CADM2: variants seen among roughly 807,000 people sequenced by gnomAD.
CADM2 encodes the protein cell adhesion molecule 2, also known as immunoglobulin superfamily member 4D.
Under a neutral mutation model 49.8 loss-of-function variants are expected in CADM2, and 12 were observed. The ratio of observed to expected loss-of-function variants is 0.24; its 90% CI spans 0.15 to 0.39. The LOEUF is 0.39. Among genes scored for constraint, CADM2 ranks in the 10% least tolerant of loss-of-function variants. The probability of loss-of-function intolerance (pLI) is 1.00; values close to 1 mark genes in which losing one functional copy is unlikely to be tolerated. For synonymous variants in CADM2, 214 were observed against 175.4 expected (o/e 1.22, Z -1.74); for missense variants, 378 against 492.3 (o/e 0.77, Z 2.20).
chr3:85,606,699 A>G (rs1014974396), intron 1 of CADM2, among the ~76,000 whole-genome samples: 3 of 152,110 alleles, frequency 2.0e-5, no homozygotes, highest in African/African-American at 4.8e-5. Context: ...ACCTTAATGT[A>G]TGAGTAGGAT....
chr3:85,739,434 C>G (rs905261745), intron 2 of CADM2, among the ~76,000 whole-genome samples: 4 of 152,062 alleles, frequency 2.6e-5, no homozygotes, highest in Middle Eastern at 3.4e-3. Flanking sequence ...GATCTGTTTT[C>G]TTTTAAAATT....
At chr3:86,021,376 G>A (rs1057217149) in intron 8 of CADM2, among the ~76,000 whole-genome samples, 3 of 151,844 alleles carry the variant, frequency 2.0e-5, no homozygotes, top group African/African-American at 4.8e-5. Context: ...GTTGCTTCCC[G>A]GAGGAATATA....
intron 3 of CADM2, among the ~76,000 whole-genome samples, chr3:85,851,201 T>A (rs1045693072): frequency 6.6e-6 from 1 of 152,182 alleles, no homozygotes; most frequent in Non-Finnish European, 1.5e-5. Flanking sequence ...TATAATTAAA[T>A]GAGCTATTTC....
At chr3:85,448,597 G>A (rs1023554144) in intron 1 of CADM2, among the ~76,000 whole-genome samples, 1 of 151,874 alleles carries the variant, frequency 6.6e-6, no homozygotes, top group Non-Finnish European at 1.5e-5. Context: ...TTGCACATGG[G>A]GTTGTGTGCA....
chr3:86,042,359 A>G (rs537410833), intron 8 of CADM2, among the ~76,000 whole-genome samples: 1 of 152,182 alleles, frequency 6.6e-6, no homozygotes, highest in African/African-American at 2.4e-5. Flanking sequence ...AAAAGAGAGA[A>G]GAATCAAATA....
intron 8 of CADM2, among the ~76,000 whole-genome samples, chr3:85,984,261 A>G (rs1421161513): frequency 6.6e-6 from 1 of 151,000 alleles, no homozygotes; most frequent in Non-Finnish European, 1.5e-5. Context: ...TAATATAGTC[A>G]TTTATAAAAT....
intron 1 of CADM2, among the ~76,000 whole-genome samples, chr3:85,286,406 G>A (rs2043634034): frequency 6.6e-6 from 1 of 152,240 alleles, no homozygotes; most frequent in South Asian, 2.1e-4. Context: ...TTGAAATTAG[G>A]AACATCTAGC....
At chr3:85,916,649 T>C (rs1290674341) in intron 6 of CADM2, among the ~76,000 whole-genome samples, 1 of 152,104 alleles carries the variant, frequency 6.6e-6, no homozygotes, top group African/African-American at 2.4e-5. Flanking sequence ...CATGTGTCTT[T>C]ATAGCAGCAT....
In CADM2 at chr3:85,568,507, C is replaced by CTT. The variant is rs1559916272; in HGVS notation, c.62-158013_62-158012dup. 1.7e-4 allele frequency among the ~76,000 whole-genome samples: 23 copies of CTT among 136,384 alleles called. 4 individuals are homozygous for CTT. Among genetic ancestry groups the CTT allele is most frequent in the African/African-American group, 5.7e-4 (20 of 35,274 alleles). 89.5% of individuals were successfully genotyped at this position (136,384 alleles called of 152,430 possible). A position where few individuals can be genotyped will look rare whatever the true frequency, so the allele number is the denominator to read the frequency against. On this transcript the variant is annotated intron_variant, in intron 1 of 9. Coordinates refer to ENST00000383699, the MANE Select transcript of CADM2 (RefSeq NM_001167675.2). The stretch of plus-strand genomic sequence containing the variant: ...TCTTTCTTTCTTTCTTTCTTTCTTT[C>CTT]TTTCTTTCCTCCCTCCCTCCCTCTC...
intron 1 of CADM2, among the ~76,000 whole-genome samples, chr3:85,500,715 C>T (rs1250636569): frequency 1.3e-5 from 2 of 152,018 alleles, no homozygotes; most frequent in South Asian, 2.1e-4. Context: ...GATGAGGTTT[C>T]CCCGTGTTAG....
intron 1 of CADM2, among the ~76,000 whole-genome samples, chr3:85,623,896 G>A (rs2064046340): frequency 6.6e-6 from 1 of 151,852 alleles, no homozygotes; most frequent in Non-Finnish European, 1.5e-5. Flanking sequence ...AATTATTGTG[G>A]ATCATTTAGA....
chr3:85,359,182 T>C (rs1467781235), intron 1 of CADM2, among the ~76,000 whole-genome samples: 1 of 152,122 alleles, frequency 6.6e-6, no homozygotes, highest in African/African-American at 2.4e-5. Flanking sequence ...ATGAGCATAT[T>C]TCCCTGGGAC....
At chr3:85,240,182 A>G (rs1199132881) in intron 1 of CADM2, among the ~76,000 whole-genome samples, 1 of 151,458 alleles carries the variant, frequency 6.6e-6, no homozygotes, top group Non-Finnish European at 1.5e-5. Context: ...TTGTTGCTTT[A>G]TTTGTTTATA....
intron 8 of CADM2, chr3:86,013,736 T>C: frequency 2.5e-6 from 4 of 1,593,420 alleles, no homozygotes; most frequent in Non-Finnish European, 3.4e-6. Flanking sequence ...TTCTGCCTTA[T>C]GAAGCTGATG....
At chr3:86,015,627 A>G (rs182945510) in intron 8 of CADM2, among the ~76,000 whole-genome samples, 1 of 152,340 alleles carries the variant, frequency 6.6e-6, no homozygotes, top group African/African-American at 2.4e-5. Context: ...CAAGGATTTC[A>G]GTGCAGATTT....
At chr3:85,846,051 C>T (rs936553168) in intron 3 of CADM2, among the ~76,000 whole-genome samples, 1 of 152,008 alleles carries the variant, frequency 6.6e-6, no homozygotes, top group Non-Finnish European at 1.5e-5. Flanking sequence ...AAAGCACAGG[C>T]CAATCTTTTC....
chr3:85,044,967 G>A (rs888093477), intron 1 of CADM2, among the ~76,000 whole-genome samples: 2 of 151,912 alleles, frequency 1.3e-5, no homozygotes, highest in Admixed American at 6.6e-5. Flanking sequence ...TGGATACAGA[G>A]CCTGGCACAC....
intron 7 of CADM2, among the ~76,000 whole-genome samples, chr3:85,951,449 T>G (rs895950861): frequency 1.4e-4 from 21 of 150,944 alleles, no homozygotes; most frequent in African/African-American, 5.1e-4. Flanking sequence ...TCTGTTTCAG[T>G]ACCAAGTATC....
intron 1 of CADM2, among the ~76,000 whole-genome samples, chr3:85,009,348 G>T (rs1489136448): frequency 6.6e-6 from 1 of 152,122 alleles, no homozygotes; most frequent in African/African-American, 2.4e-5. Flanking sequence ...TAATTTGGTG[G>T]ATCTGTTCAA....
Sources: gnomAD v4.1 joint callset for allele counts (sites outside exome capture counted in the v4.1 genomes callset) on GRCh38, gnomAD v4.1.1 for gene constraint, MANE v1.5 for transcripts, NCBI Gene and HGNC (gene_info 2026-07-23, HGNC 2026-07-21) for gene names.